The following PITPNC1 variants were observed in gnomAD, a reference collection of about 807,000 sequenced individuals.
PITPNC1 encodes the protein phosphatidylinositol transfer protein cytoplasmic 1, also known as cytoplasmic phosphatidylinositol transfer protein 1.
PITPNC1 carries 18 observed loss-of-function variants against 44.7 expected under a neutral mutation model. The ratio of observed to expected loss-of-function variants is 0.40; its 90% CI spans 0.28 to 0.60. The LOEUF is 0.60. PITPNC1 is among the 20% of genes least tolerant of loss of function. The pLI, the probability that PITPNC1 is intolerant of heterozygous loss-of-function variation, is 0.39. For missense variants in PITPNC1, 290 were observed against 418.4 expected (o/e 0.69, Z 2.68); for synonymous variants, 141 against 149.6 (o/e 0.94, Z 0.42).
chr17:67,430,792 A>C (rs1295548787), intron 1 of PITPNC1, among the ~76,000 whole-genome samples: 1 of 139,452 alleles, frequency 7.2e-6, no homozygotes, highest in African/African-American at 2.7e-5. Context: ...TGTCTCTACC[A>C]AAAAAAAAAA....
intron 1 of PITPNC1, among the ~76,000 whole-genome samples, chr17:67,519,926 A>G (rs1243058879): frequency 6.6e-6 from 1 of 152,242 alleles, no homozygotes; most frequent in East Asian, 1.9e-4. Flanking sequence ...TTGTTTGTCT[A>G]GGCATGAAGT....
At chr17:67,425,193 G>GCGCA (rs1160522771) in intron 1 of PITPNC1, among the ~76,000 whole-genome samples, 10 of 52,118 alleles carry the variant, frequency 1.9e-4, no homozygotes, top group Admixed American at 4.0e-4. Context: ...TTGTGCGCGC[G>GCGCA]CACGCACACG....
At chr17:67,574,664 G>A (rs1032889829) in intron 4 of PITPNC1, among the ~76,000 whole-genome samples, 1 of 152,132 alleles carries the variant, frequency 6.6e-6, no homozygotes, top group Admixed American at 6.5e-5. Flanking sequence ...TCTTAACATG[G>A]ACATCACCCC....
chr17:67,493,945 A>G (rs2039895930), intron 1 of PITPNC1, among the ~76,000 whole-genome samples: 1 of 152,202 alleles, frequency 6.6e-6, no homozygotes, highest in Non-Finnish European at 1.5e-5. Flanking sequence ...TTCCCATACA[A>G]ACATTTTATT....
intron 6 of PITPNC1, among the ~76,000 whole-genome samples, chr17:67,635,020 T>C (rs1296107423): frequency 6.6e-6 from 1 of 152,100 alleles, no homozygotes; most frequent in African/African-American, 2.4e-5. Context: ...GAGGCGGTGG[T>C]TACAGTGAGC....
intron 1 of PITPNC1, among the ~76,000 whole-genome samples, chr17:67,420,338 A>ATT (rs1235136768): frequency 6.6e-6 from 1 of 150,750 alleles, no homozygotes; most frequent in African/African-American, 2.4e-5. Flanking sequence ...AGCCACTTCT[A>ATT]TTTTCTCTCT....
intron 5 of PITPNC1, among the ~76,000 whole-genome samples, chr17:67,622,868 A>G (rs1221821776): frequency 7.1e-6 from 1 of 140,588 alleles, no homozygotes; most frequent in African/African-American, 2.9e-5. Context: ...TCTGTCTTTA[A>G]AAAAAAAATA....
intron 6 of PITPNC1, among the ~76,000 whole-genome samples, chr17:67,643,047 A>C (rs2042107705): frequency 6.6e-6 from 1 of 152,192 alleles, no homozygotes; most frequent in Non-Finnish European, 1.5e-5. Flanking sequence ...AGAGAATCTA[A>C]GTCTCTGCCA....
intron 5 of PITPNC1, among the ~76,000 whole-genome samples, chr17:67,587,562 T>C (rs1225075743): frequency 2.0e-5 from 3 of 152,134 alleles, no homozygotes; most frequent in Admixed American, 6.6e-5. Flanking sequence ...TGGGTCATGA[T>C]TTTTATCTAG....
chr17:67,453,334 C>G (rs542094657), intron 1 of PITPNC1, among the ~76,000 whole-genome samples: 2 of 152,060 alleles, frequency 1.3e-5, no homozygotes, highest in Admixed American at 6.6e-5. Context: ...CTTTGCTTTG[C>G]TTACCCCTTG....
intron 4 of PITPNC1, among the ~76,000 whole-genome samples, chr17:67,576,519 T>G (rs2041152259): frequency 6.6e-6 from 1 of 152,180 alleles, no homozygotes. Flanking sequence ...CAAGTCTGGT[T>G]TCCCCAACAC....
Position 67,392,965 on chromosome 17 carries a change from T to TAA in PITPNC1, c.48+14767_48+14768dup, listed in dbSNP as rs1172500636. Among the ~76,000 whole-genome samples, 5 of 152,062 alleles carry TAA rather than the reference T, an allele frequency of 3.3e-5. No individual in the cohort carries two copies. The East Asian group carries it at 9.7e-4, about 29-fold the overall frequency. On this transcript the variant is annotated intron_variant, in intron 1 of 8. Transcript: ENST00000581322. ...CAACATGGTGAAACCCCATCTCTAC[T>TAA]AAAAATACAGAAAAGTTAGCCGGGC... is the stretch of plus-strand genomic sequence containing the variant.
chr17:67,412,875 C>T (rs1300392710), intron 1 of PITPNC1, among the ~76,000 whole-genome samples: 1 of 152,184 alleles, frequency 6.6e-6, no homozygotes, highest in African/African-American at 2.4e-5. Flanking sequence ...CTTCATATTT[C>T]TCTTTATACT....
chr17:67,441,751 C>A (rs948916154), intron 1 of PITPNC1, among the ~76,000 whole-genome samples: 1 of 152,072 alleles, frequency 6.6e-6, no homozygotes, highest in African/African-American at 2.4e-5. Flanking sequence ...TCTTAGTCGT[C>A]ATTAATAGTT....
At chr17:67,601,391 T>G (rs1055497677) in intron 5 of PITPNC1, among the ~76,000 whole-genome samples, 7 of 152,088 alleles carry the variant, frequency 4.6e-5, no homozygotes, top group African/African-American at 1.7e-4. Flanking sequence ...GATACAATGT[T>G]ATACATTAAC....
In PITPNC1 at chr17:67,696,645, A is replaced by G. The variant is rs1361157073; in HGVS notation, c.*3757A>G. On this transcript the variant is annotated 3_prime_UTR_variant, in exon 9 of 9. Coordinates refer to ENST00000581322, the MANE Select transcript of PITPNC1 (RefSeq NM_012417.4). ...CTATTTTAACTATTCATTCTTGCTG[A>G]AACTGAAGTGTACACAATAGCACAC... is the stretch of plus-strand genomic sequence containing the variant. The G allele has an allele frequency of 6.6e-6, 1 of 152,234 alleles. No individual in the cohort carries two copies. Among genetic ancestry groups the G allele is most frequent in the Non-Finnish European group, 1.5e-5 (1 of 68,046 alleles). 9.4% of individuals were successfully genotyped at this position (152,234 alleles called of 1,614,324 possible).
chr17:67,461,345 C>T (rs9911862), intron 1 of PITPNC1, among the ~76,000 whole-genome samples: 201 of 152,304 alleles, frequency 1.3e-3, no homozygotes, highest in African/African-American at 4.8e-3. Context: ...TAGAATAGCA[C>T]GGGACAATAG....
At chr17:67,450,844 TA>T (rs1218399889) in intron 1 of PITPNC1, among the ~76,000 whole-genome samples, 1 of 152,130 alleles carries the variant, frequency 6.6e-6, no homozygotes, top group East Asian at 1.9e-4. Flanking sequence ...TTCCACCCAT[TA>T]AACACTAACT....
At chr17:67,456,206 A>G (rs1452372475) in intron 1 of PITPNC1, among the ~76,000 whole-genome samples, 1 of 152,224 alleles carries the variant, frequency 6.6e-6, no homozygotes, top group Non-Finnish European at 1.5e-5. Flanking sequence ...TGATATTAAT[A>G]TAGCCCTTCC....
Sources: allele counts gnomAD v4.1 joint callset (sites outside exome capture counted in the v4.1 genomes callset), GRCh38; gene constraint gnomAD v4.1.1; transcripts MANE v1.5; gene names NCBI Gene and HGNC (gene_info 2026-07-23, HGNC 2026-07-21).